DLG5: variants seen among roughly 807,000 people sequenced by gnomAD.
The protein encoded by DLG5 is discs large MAGUK scaffold protein 5, also known as disks large homolog 5.
Under a neutral mutation model 189.8 loss-of-function variants are expected in DLG5, and 48 were observed. That is an observed-to-expected ratio of 0.25 (90% CI 0.20 to 0.32). The LOEUF (loss-of-function observed/expected upper bound fraction) is 0.32. Ranked by LOEUF, DLG5 falls within the 10% of genes least tolerant of loss-of-function variation. The pLI is 1.00. For synonymous variants in DLG5, 1,016 were observed against 1,054.1 expected (o/e 0.96, Z 0.70); for missense variants, 2,160 against 2,544.7 (o/e 0.85, Z 3.25).
intron 9 of DLG5, among the ~76,000 whole-genome samples, chr10:77,832,235 T>C (rs1842923183): frequency 6.6e-6 from 1 of 152,166 alleles, no homozygotes; most frequent in Admixed American, 6.5e-5. Context: ...AAATTATAAA[T>C]ATTAGCTCAG....
intron 5 of DLG5, among the ~76,000 whole-genome samples, chr10:77,845,608 A>G (rs1245971491): frequency 6.6e-6 from 1 of 151,276 alleles, no homozygotes; most frequent in African/African-American, 2.4e-5. Context: ...AGGAGGGAAG[A>G]AGGGAAGGAA....
chr10:77,877,730 C>G (rs1367552717), intron 1 of DLG5, among the ~76,000 whole-genome samples: 1 of 152,094 alleles, frequency 6.6e-6, no homozygotes, highest in Non-Finnish European at 1.5e-5. Context: ...AGGAGGAGGC[C>G]CAAAGAGGGT....
intron 20 of DLG5, 111 bp from the exon 21 acceptor site, chr10:77,812,488 C>G (rs1841828520): frequency 8.0e-7 from 1 of 1,256,686 alleles, no homozygotes; most frequent in Non-Finnish European, 1.1e-6. Context: ...GGCCCCGAGC[C>G]TGGATGCTCC....
chr10:77,879,343 C>T (rs1035304972), intron 1 of DLG5, among the ~76,000 whole-genome samples: 1 of 151,966 alleles, frequency 6.6e-6, no homozygotes, highest in African/African-American at 2.4e-5. Flanking sequence ...GTCACAGGGG[C>T]AATAGGACAG....
chr10:77,837,683 C>T (rs980747977), intron 7 of DLG5, among the ~76,000 whole-genome samples: 4 of 152,296 alleles, frequency 2.6e-5, no homozygotes, highest in Non-Finnish European at 4.4e-5. Flanking sequence ...GGTGAGGAAC[C>T]GCAGGATCTA....
chr10:77,885,990 GCACCTGGA>G (rs1344395245), intron 1 of DLG5, among the ~76,000 whole-genome samples: 1 of 152,220 alleles, frequency 6.6e-6, no homozygotes, highest in Non-Finnish European at 1.5e-5. Flanking sequence ...CCCCAGATAA[GCACCTGGA>G]CACCCTGTGC....
chr10:77,798,531 T>C (rs903209048), intron 27 of DLG5, among the ~76,000 whole-genome samples: 2 of 152,222 alleles, frequency 1.3e-5, no homozygotes, highest in Non-Finnish European at 2.9e-5. Context: ...GAGCTGGAAG[T>C]GTATCCTAGT....
chr10:77,880,944 C>T (rs1367239003), intron 1 of DLG5, among the ~76,000 whole-genome samples: 1 of 141,038 alleles, frequency 7.1e-6, no homozygotes, highest in African/African-American at 2.6e-5. Context: ...GCAGGACTCT[C>T]ATCCACTAAC....
chr10:77,842,253 C>T (rs999964482), intron 6 of DLG5, 60 bp from the exon 7 acceptor site: 2 of 1,551,550 alleles, frequency 1.3e-6, no homozygotes, highest in East Asian at 2.3e-5. Context: ...CAGTGGCCGG[C>T]TGCGCTGCTG....
At chr10:77,889,096 AGG>A (rs1233530618) in intron 1 of DLG5, among the ~76,000 whole-genome samples, 164 of 139,920 alleles carry the variant, frequency 1.2e-3, no homozygotes, top group Non-Finnish European at 2.1e-3. Context: ...GTAACCTCCC[AGG>A]CCTCACAAGC....
At position 77,926,197 on chromosome 10, in the gene DLG5, G is replaced by A. The variant is rs564396417; in HGVS notation, c.304+20C>T. The A allele has an allele frequency of 2.6e-5, 37 of 1,436,148 alleles. No individual in the cohort carries two copies. The South Asian group carries it at 4.8e-4, about 19-fold the overall frequency. 89.0% of individuals were successfully genotyped at this position (1,436,148 alleles called of 1,614,324 possible). On this transcript the variant is annotated intron_variant, in intron 1 of 31. Transcript: ENST00000372391. The surrounding 1 kb of genome is among the most constrained non-coding windows in gnomAD (Gnocchi z 5.2). ...CGGAGGGCGCGTCCCAGAGGCGGGG[G>A]CCAAGGGTCTGCCACTCACCCGCGC...
At chr10:77,876,749 A>AAGGAAGG (rs1491332021) in intron 1 of DLG5, among the ~76,000 whole-genome samples, 4 of 49,288 alleles carry the variant, frequency 8.1e-5, no homozygotes, top group South Asian at 7.0e-4. Context: ...GGAAGGAAGG[A>AAGGAAGG]AAAAAAAAAA....
chr10:77,863,697 T>C (rs1844562194), intron 2 of DLG5, among the ~76,000 whole-genome samples: 1 of 152,204 alleles, frequency 6.6e-6, no homozygotes, highest in African/African-American at 2.4e-5. Context: ...TACCCAAGTC[T>C]GGCAACCACT....
At chr10:77,928,361 A>C (rs943432072), upstream of DLG5, 4 of 152,252 alleles carry the variant, frequency 2.6e-5, no homozygotes, top group Non-Finnish European at 4.4e-5. Context: ...TAAGACCTCC[A>C]GATGGACCCC....
At chr10:77,921,914 A>G (rs948124106) in intron 1 of DLG5, among the ~76,000 whole-genome samples, 1 of 152,204 alleles carries the variant, frequency 6.6e-6, no homozygotes, top group Non-Finnish European at 1.5e-5. Context: ...CTGCCTCCCA[A>G]TAGAGGCCTG....
At chr10:77,870,375 T>TG (rs1313837065) in intron 1 of DLG5, among the ~76,000 whole-genome samples, 1 of 152,150 alleles carries the variant, frequency 6.6e-6, no homozygotes, top group African/African-American at 2.4e-5. Flanking sequence ...ACAAGAAATG[T>TG]GGAGGACCAC....
chr10:77,824,647 C>A, intron 13 of DLG5, 171 bp from the exon 14 acceptor site: 1 of 575,614 alleles, frequency 1.7e-6, no homozygotes, highest in South Asian at 2.3e-5. Flanking sequence ...AGGAGTCCAA[C>A]TAAGGGGATT....
At chr10:77,920,555 C>A (rs1846504733) in intron 1 of DLG5, among the ~76,000 whole-genome samples, 1 of 152,194 alleles carries the variant, frequency 6.6e-6, no homozygotes, top group Non-Finnish European at 1.5e-5. Flanking sequence ...ATCACAGTAG[C>A]CCATCACCTT....
rs564396417 is a variant in DLG5, at chr10:77,926,197, G to T, written c.304+20C>A. 1.4e-6 allele frequency: 2 copies of T among 1,436,032 alleles called. No homozygotes were observed. Among genetic ancestry groups the T allele is most frequent in the African/African-American group, 1.5e-5 (1 of 68,510 alleles). The allele number at this position is 1,436,032 out of a possible 1,614,324, so 89.0% of individuals were successfully genotyped here. A position where few individuals can be genotyped will look rare whatever the true frequency, so the allele number is the denominator to read the frequency against. On this transcript the variant is annotated intron_variant, in intron 1 of 31. Transcript: ENST00000372391. The surrounding 1 kb of genome is among the most constrained non-coding windows in gnomAD (Gnocchi z 5.2). ...CGGAGGGCGCGTCCCAGAGGCGGGG[G>T]CCAAGGGTCTGCCACTCACCCGCGC...
Sources: allele counts gnomAD v4.1 joint callset (sites outside exome capture counted in the v4.1 genomes callset), GRCh38; gene constraint gnomAD v4.1.1; non-coding constraint Gnocchi (gnomAD v3.1); transcripts MANE v1.5; gene names NCBI Gene and HGNC (gene_info 2026-07-23, HGNC 2026-07-21).